Variants in ZNF736 observed in about 807,000 individuals in gnomAD.
The protein encoded by ZNF736 is KRAB-containing zinc-finger repressor protein.
ZNF736 carries 6 observed loss-of-function variants against 11.7 expected under a neutral mutation model. The observed-to-expected ratio is 0.51, with a 90% CI of 0.28 to 1.01. The LOEUF (loss-of-function observed/expected upper bound fraction) is 1.01. Ranked by LOEUF, ZNF736 falls within the 50% of genes least tolerant of loss-of-function variation. ZNF736 has a pLI of 0.09. For synonymous variants in ZNF736, 139 were observed against 164.7 expected, an observed-to-expected ratio of 0.84 and a Z score of 1.19; for missense variants, 444 against 496.0, an observed-to-expected ratio of 0.90 and a Z score of 1.00.
chr7:64,350,313 C>G lies in ZNF736; in HGVS notation c.*1166C>G, dbSNP rs944402387. On this transcript the variant is annotated 3_prime_UTR_variant, in exon 4 of 4. Coordinates refer to ENST00000423484, the MANE Select transcript of ZNF736 (RefSeq NM_001170905.3). The stretch of plus-strand genomic sequence containing the variant: ...ATTTCAGAAAGCCAGTCTTGAGGCC[C>G]TGAGATTCTTTCCTCTGCTTGGCCT... 3 of 152,132 alleles carry G rather than the reference C, an allele frequency of 2.0e-5. No homozygotes were observed. The highest frequency in any genetic ancestry group is 4.4e-5 in the Non-Finnish European group (3 of 68,032). 9.4% of individuals were successfully genotyped at this position (152,132 alleles called of 1,614,324 possible).
At chr7:64,317,450 C>T (rs542400538) in intron 1 of ZNF736, among the ~76,000 whole-genome samples, 4 of 152,084 alleles carry the variant, frequency 2.6e-5, no homozygotes, top group African/African-American at 7.2e-5. Flanking sequence ...AGATTGGTGG[C>T]CATGCCTGTG....
In ZNF736 at chr7:64,351,561, A is replaced by G. The variant is rs1170577177; in HGVS notation, c.*2414A>G. On this transcript the variant is annotated 3_prime_UTR_variant, in exon 4 of 4. Coordinates refer to ENST00000423484, the MANE Select transcript of ZNF736 (RefSeq NM_001170905.3). Reference sequence around the variant, plus strand: ...CCTGGGAGAGGCCAGCAGACCAAGGAGTGCTCAGTTGGACCAGCTTCTTCT... The same window carrying G: ...CCTGGGAGAGGCCAGCAGACCAAGGGGTGCTCAGTTGGACCAGCTTCTTCT... The G allele has an allele frequency of 1.3e-5, 2 of 152,298 alleles. No homozygotes were observed. The highest frequency in any genetic ancestry group is 1.5e-5 in the Non-Finnish European group (1 of 68,134). 9.4% of individuals were successfully genotyped at this position (152,298 alleles called of 1,614,324 possible). A position where few individuals can be genotyped will look rare whatever the true frequency, so the allele number is the denominator to read the frequency against.
At chr7:64,335,727 A>G (rs1162892095) in intron 1 of ZNF736, among the ~76,000 whole-genome samples, 1 of 152,202 alleles carries the variant, frequency 6.6e-6, no homozygotes, top group Non-Finnish European at 1.5e-5. Flanking sequence ...GGTCAAATAA[A>G]CTAAAAACCT....
At position 64,314,013 on chromosome 7, in the gene ZNF736, C is replaced by T. The variant is rs1353508490; in HGVS notation, c.-138C>T. ...TGTCTCCTAGCTTCCGGGCTCTGAT[C>T]CTAGTTCGCGTCTCCACTGTTCCAT... On this transcript the variant is annotated 5_prime_UTR_variant, in exon 1 of 4. Coordinates refer to ENST00000423484, the MANE Select transcript of ZNF736 (RefSeq NM_001170905.3). 1.8e-5 allele frequency: 22 copies of T among 1,217,954 alleles called. 1 individual carries two copies. The African/African-American group carries it at 2.2e-4, about 12-fold the overall frequency. The allele number at this position is 1,217,954 out of a possible 1,614,324, so 75.4% of individuals were successfully genotyped here. A position where few individuals can be genotyped will look rare whatever the true frequency, so the allele number is the denominator to read the frequency against.
At position 64,315,493 on chromosome 7, in the gene ZNF736, T is replaced by C. The variant is rs377434739; in HGVS notation, c.3+1340T>C. Among the ~76,000 whole-genome samples the C allele has an allele frequency of 9.2e-4, 140 of 152,304 alleles. 2 individuals carry two copies. The South Asian group carries it at 0.026, about 28-fold the overall frequency. On this transcript the variant is annotated intron_variant, in intron 1 of 3. Transcript: ENST00000423484. ...CTGGTTATGTAATTAGAGCTTTTTATTGGCAGCTTGTGGTTGGTTAAGCCT... is the reference window on the plus strand; with the variant it reads ...CTGGTTATGTAATTAGAGCTTTTTACTGGCAGCTTGTGGTTGGTTAAGCCT...
chr7:64,348,994 C>CT lies in ZNF736; in HGVS notation c.1134dup (p.Lys379Ter). 2 of 1,590,464 alleles carry CT rather than the reference C, an allele frequency of 1.3e-6. No individual in the cohort carries two copies. Among genetic ancestry groups the CT allele is most frequent in the Non-Finnish European group, 1.7e-6 (2 of 1,167,736 alleles). On this transcript the variant is annotated frameshift_variant, in exon 4 of 4. Coordinates refer to ENST00000423484, the MANE Select transcript of ZNF736 (RefSeq NM_001170905.3). LOFTEE classifies it low-confidence loss of function (END_TRUNC). ...ACAAATGTGAAGAATGCAGCAAAACCTTTAAGTGCTTCTCAGACCTGACTA... is the reference window on the plus strand; with the variant it reads ...ACAAATGTGAAGAATGCAGCAAAACCTTTTAAGTGCTTCTCAGACCTGACTA...
At chr7:64,337,389 A>G (rs1789268688) in intron 3 of ZNF736, 1 of 176,360 alleles carries the variant, frequency 5.7e-6, no homozygotes, top group South Asian at 1.3e-4. Context: ...ATGTCTAAAT[A>G]TTTAAGTTTT....
In ZNF736 at chr7:64,335,215, C is replaced by T. The variant is rs62463908; in HGVS notation, c.4-1044C>T. Among the ~76,000 whole-genome samples, 1,279 of 151,848 alleles carry T rather than the reference C, an allele frequency of 8.4e-3. 12 individuals are homozygous for T. The highest frequency in any genetic ancestry group is 0.015 in the Non-Finnish European group (995 of 67,986). On this transcript the variant is annotated intron_variant, in intron 1 of 3. Coordinates refer to ENST00000423484, the MANE Select transcript of ZNF736 (RefSeq NM_001170905.3). The stretch of plus-strand genomic sequence containing the variant: ...CATGTGGGGCTTAAAACCTAGATGA[C>T]GGGTTGATAGGTGCAGCAATCCACC...
At chr7:64,333,759 A>G (rs1474617982) in intron 1 of ZNF736, among the ~76,000 whole-genome samples, 1 of 152,212 alleles carries the variant, frequency 6.6e-6, no homozygotes, top group African/African-American at 2.4e-5. Flanking sequence ...CCATCAGGCT[A>G]CCATTGATTT....
rs1245825712 is a variant in ZNF736, at chr7:64,353,721, G to A, written c.*4574G>A. 6 of 151,922 alleles carry A rather than the reference G, an allele frequency of 3.9e-5. No homozygotes were observed. Among genetic ancestry groups the A allele is most frequent in the Admixed American group, 6.6e-5 (1 of 15,256 alleles). The allele number at this position is 151,922 out of a possible 1,614,324, so 9.4% of individuals were successfully genotyped here. A position where few individuals can be genotyped will look rare whatever the true frequency, so the allele number is the denominator to read the frequency against. On this transcript the variant is annotated 3_prime_UTR_variant, in exon 4 of 4. Transcript: ENST00000423484. ...CCACTTATTAGTTTACAGCAGTATC[G>A]TAAGTGACAGGATGATAGGAGTGTG...
chr7:64,340,979 C>T (rs1393750753), intron 3 of ZNF736, among the ~76,000 whole-genome samples: 4 of 151,980 alleles, frequency 2.6e-5, no homozygotes, highest in East Asian at 3.9e-4. Context: ...ACATTGGTCT[C>T]CTTAATCATA....
At position 64,350,000 on chromosome 7, in the gene ZNF736, T is replaced by G. The variant is rs1165623520; in HGVS notation, c.*853T>G. The G allele has an allele frequency of 6.6e-6, 1 of 152,142 alleles. No individual in the cohort carries two copies. Among genetic ancestry groups the G allele is most frequent in the African/African-American group, 2.4e-5 (1 of 41,416 alleles). The allele number at this position is 152,142 out of a possible 1,614,324, so 9.4% of individuals were successfully genotyped here. On this transcript the variant is annotated 3_prime_UTR_variant, in exon 4 of 4. Transcript: ENST00000423484. ...AGCTGCCTTTAACATATTTTTTCTTTCATTTTGACCCTGGAGAATCTCATG... is the reference window on the plus strand; with the variant it reads ...AGCTGCCTTTAACATATTTTTTCTTGCATTTTGACCCTGGAGAATCTCATG...
chr7:64,347,406 A>C (rs1414479274), intron 3 of ZNF736, among the ~76,000 whole-genome samples: 1 of 151,220 alleles, frequency 6.6e-6, no homozygotes, highest in Non-Finnish European at 1.5e-5. Context: ...TTGTATTTTT[A>C]GTTGAGACAA....
rs1187748662 is a variant in ZNF736 at position 64,356,509 on chromosome 7, A to C, written c.*7362A>C. Among the ~76,000 whole-genome samples, 3 of 152,140 alleles carry C rather than the reference A, an allele frequency of 2.0e-5. No individual in the cohort carries two copies. Among genetic ancestry groups the C allele is most frequent in the African/African-American group, 7.2e-5 (3 of 41,442 alleles). On this transcript the variant is annotated 3_prime_UTR_variant, in exon 4 of 4. Transcript: ENST00000423484. ...CAATTTTGAATTGCATACCTAGCTA[A>C]ATTTTTTTAAGATTGAGGATAATAT...
chr7:64,324,657 A>G (rs1285053427), intron 1 of ZNF736, among the ~76,000 whole-genome samples: 1 of 152,194 alleles, frequency 6.6e-6, no homozygotes, highest in Non-Finnish European at 1.5e-5. Flanking sequence ...CAGACGCTAA[A>G]TCTGTGGCAA....
chr7:64,319,366 T>TAC (rs1490198172), intron 1 of ZNF736, among the ~76,000 whole-genome samples: 37 of 133,250 alleles, frequency 2.8e-4, no homozygotes, highest in African/African-American at 1.1e-3. Context: ...TATATATATA[T>TAC]ATATATATAT....
chr7:64,319,486 TC>T (rs754950137), intron 1 of ZNF736, among the ~76,000 whole-genome samples: 3,567 of 80,158 alleles, frequency 0.044, 893 homozygotes, highest in African/African-American at 0.063. Context: ...AAACATTTCT[TC>T]CCTTTTTTTT....
intron 1 of ZNF736, among the ~76,000 whole-genome samples, chr7:64,316,345 T>C (rs1788918107): frequency 6.6e-6 from 1 of 152,226 alleles, no homozygotes; most frequent in Non-Finnish European, 1.5e-5. Context: ...GCAGACACAT[T>C]GGTGGTCAAC....
intron 3 of ZNF736, among the ~76,000 whole-genome samples, chr7:64,345,756 GTGT>G (rs1374753744): frequency 1.1e-5 from 1 of 91,760 alleles, no homozygotes; most frequent in Admixed American, 1.0e-4. Context: ...AAAAAAAGGT[GTGT>G]TGTTTAATTT....
Sources: gnomAD v4.1 joint callset for allele counts (sites outside exome capture counted in the v4.1 genomes callset) on GRCh38, gnomAD v4.1.1 for gene constraint, MANE v1.5 for transcripts, NCBI Gene and HGNC (gene_info 2026-07-23, HGNC 2026-07-21) for gene names.